The following COL5A1 variants were observed in gnomAD, a reference collection of about 807,000 sequenced individuals.
COL5A1 encodes collagen type V alpha 1 chain.
Under a neutral mutation model 263.7 loss-of-function variants are expected in COL5A1, and 16 were observed. The observed-to-expected ratio is 0.06, with a 90% CI of 0.04 to 0.09. The LOEUF is 0.09. Among genes scored for constraint, COL5A1 ranks in the 10% least tolerant of loss-of-function variants. The pLI, the probability that COL5A1 is intolerant of heterozygous loss-of-function variation, is 1.00. For missense variants in COL5A1, 2,036 were observed against 2,540.5 expected, an observed-to-expected ratio of 0.80 and a Z score of 4.27; for synonymous variants, 1,012 against 1,004.5, an observed-to-expected ratio of 1.01 and a Z score of -0.14.
At chr9:134,800,699 C>T (rs1338098877) in intron 37 of COL5A1, among the ~76,000 whole-genome samples, 3 of 142,012 alleles carry the variant, frequency 2.1e-5, no homozygotes, top group African/African-American at 2.7e-5. Flanking sequence ...GAGCCGAGAT[C>T]GTGCCATTGC....
Position 134,765,911 on chromosome 9 carries a change from CCCCAGCAGGTGTGGCCTTGCAGGTGGAGG to C in COL5A1, c.2088+181_2088+209del, listed in dbSNP as rs1417112782. ...TGATGTTCAGACGCTGTAGACACGG[CCCCAGCAGGTGTGGCCTTGCAGGTGGAGG>C]CCCGAGGCTGCCGGCCTCACGCCTC... is the stretch of plus-strand genomic sequence containing the variant. On this transcript the variant is annotated intron_variant, in intron 21 of 65. Transcript: ENST00000371817. The surrounding 1 kb of genome is among the most constrained non-coding windows in gnomAD (Gnocchi z 5.1). Among the ~76,000 whole-genome samples the C allele has an allele frequency of 5.9e-5, 9 of 152,238 alleles. No individual in the cohort carries two copies. The highest frequency in any genetic ancestry group is 1.3e-4 in the Non-Finnish European group (9 of 68,036).
At chr9:134,810,418 C>T (rs997253061) in intron 44 of COL5A1, 110 bp downstream of exon 44, 9 of 1,059,424 alleles carry the variant, frequency 8.5e-6, no homozygotes, top group Admixed American at 4.0e-5. Flanking sequence ...TGATGACTAG[C>T]GGGACATGCT....
At chr9:134,822,213 G>A in intron 59 of COL5A1, 63 bp downstream of exon 59, 1 of 1,327,810 alleles carries the variant, frequency 7.5e-7, no homozygotes, top group South Asian at 1.2e-5. Flanking sequence ...ATAAGCCTTG[G>A]GGCCTCAGTG....
chr9:134,826,747 G>A (rs1033059301), intron 63 of COL5A1, among the ~76,000 whole-genome samples: 3 of 147,108 alleles, frequency 2.0e-5, no homozygotes, highest in Non-Finnish European at 4.5e-5. Flanking sequence ...CATGGTGTTC[G>A]GGTGTGTGTG....
intron 19 of COL5A1, among the ~76,000 whole-genome samples, chr9:134,762,650 G>A (rs1276255528): frequency 6.6e-6 from 1 of 152,216 alleles, no homozygotes; most frequent in African/African-American, 2.4e-5. Context: ...CAGTCACTCA[G>A]ACGCCTTCTT....
intron 18 of COL5A1, among the ~76,000 whole-genome samples, chr9:134,760,413 C>T (rs1836325126): frequency 8.3e-6 from 1 of 120,366 alleles, no homozygotes; most frequent in Non-Finnish European, 1.7e-5. Context: ...CACTCATACA[C>T]ACATGCACAC....
At position 134,786,186 on chromosome 9, in the gene COL5A1, G is replaced by A. The variant is rs114207653; in HGVS notation, c.2646+138G>A. On this transcript the variant is annotated intron_variant, in intron 31 of 65. Coordinates refer to ENST00000371817, the MANE Select transcript of COL5A1 (RefSeq NM_000093.5). Reference sequence around the variant, plus strand: ...TGCCGATAACTTCTGGCCATGTTACGTGTCCTGGTGCAGGCGTGGGGGTTG... The same window carrying A: ...TGCCGATAACTTCTGGCCATGTTACATGTCCTGGTGCAGGCGTGGGGGTTG... The A allele has an allele frequency of 3.0e-3, 2,512 of 830,624 alleles. 40 individuals carry two copies. The African/African-American group carries it at 0.038, about 12-fold the overall frequency. The allele number at this position is 830,624 out of a possible 1,614,324, so 51.5% of individuals were successfully genotyped here.
In COL5A1 at chr9:134,813,969, C is replaced by G; in HGVS notation, c.3853-14C>G. ...TGCTCACCGCTGCCATAACCACATGCACTGTCTCCCTAGGGCGAGCCTGGC... is the reference window on the plus strand; with the variant it reads ...TGCTCACCGCTGCCATAACCACATGGACTGTCTCCCTAGGGCGAGCCTGGC... On this transcript the variant is annotated splice_polypyrimidine_tract_variant and intron_variant, in intron 48 of 65. Transcript: ENST00000371817. The G allele has an allele frequency of 6.4e-7, 1 of 1,550,938 alleles. No individual in the cohort carries two copies. Among genetic ancestry groups the G allele is most frequent in the Non-Finnish European group, 8.7e-7 (1 of 1,147,032 alleles).
At chr9:134,827,271 G>C (rs945833812) in intron 63 of COL5A1, among the ~76,000 whole-genome samples, 6 of 152,212 alleles carry the variant, frequency 3.9e-5, no homozygotes, top group African/African-American at 1.4e-4. Flanking sequence ...ACCGTGCTGA[G>C]CTCAGTAGCC....
intron 4 of COL5A1, among the ~76,000 whole-genome samples, chr9:134,713,357 C>T (rs764937427): frequency 5.9e-5 from 9 of 152,226 alleles, no homozygotes; most frequent in Non-Finnish European, 1.3e-4. Flanking sequence ...CTCCTCCCTC[C>T]CAGTCTGCAG....
chr9:134,719,172 T>C (rs1834366580), intron 4 of COL5A1, among the ~76,000 whole-genome samples: 1 of 152,198 alleles, frequency 6.6e-6, no homozygotes, highest in Non-Finnish European at 1.5e-5. Context: ...CCAGGACCCA[T>C]GTGTGCCACA....
rs762699995 is a variant in COL5A1, at chr9:134,815,609, C to T, written c.4048C>T (p.Pro1350Ser). Residue 1350 changes from proline to serine, a missense_variant, in exon 51 of 66, where the codon CCC (proline) becomes TCC (serine). Physicochemically the swap from Pro to Ser is moderately conservative, Grantham distance 74 (BLOSUM62 -1). This residue lies in a region of COL5A1 where 1,078 missense variants were observed against 1,521.4 expected (regional missense o/e 0.71). Coordinates refer to ENST00000371817, the MANE Select transcript of COL5A1 (RefSeq NM_000093.5). The part of the protein sequence containing the change: ...PVGFPGDPGP[P>S]GEPGPAGQDG... ...GGGTTTTCCTGGAGATCCTGGCCCC[C>T]CCGGAGAGCCTGGCCCCGCGGTAGG... 3 of 1,613,812 alleles carry T rather than the reference C, an allele frequency of 1.9e-6. No individual in the cohort carries two copies. The highest frequency in any genetic ancestry group is 1.1e-5 in the South Asian group (1 of 90,956).
chr9:134,736,652 G>A (rs747558153), intron 9 of COL5A1, among the ~76,000 whole-genome samples: 19 of 152,130 alleles, frequency 1.2e-4, no homozygotes, highest in Non-Finnish European at 2.4e-4. Context: ...CACTCCATCC[G>A]GTACCCACAT....
chr9:134,715,651 A>G (rs951065613), intron 4 of COL5A1, among the ~76,000 whole-genome samples: 13 of 152,214 alleles, frequency 8.5e-5, no homozygotes, highest in Non-Finnish European at 2.9e-5. Context: ...ATGACTTTTA[A>G]CAAGCATGAT....
intron 15 of COL5A1, 35 bp downstream of exon 15, chr9:134,753,938 C>T (rs756392016): frequency 1.6e-5 from 26 of 1,587,702 alleles, no homozygotes; most frequent in South Asian, 7.7e-5. Flanking sequence ...GTCTGGTGGG[C>T]GCCTCCCGTT....
rs1021342297 is a variant in COL5A1 at position 134,696,936 on chromosome 9, T to C, written c.278-2973T>C. On this transcript the variant is annotated intron_variant, in intron 2 of 65. Transcript: ENST00000371817. This position sits in a 1 kb window ranked among gnomAD's most constrained non-coding sequence, Gnocchi z 4.3. The stretch of plus-strand genomic sequence containing the variant: ...ATACAAAAAAATTAGCCAGGCTTGG[T>C]GGCGGGTGCCTGTAGTCCCAGCTAC... Among the ~76,000 whole-genome samples the C allele has an allele frequency of 4.6e-5, 7 of 152,044 alleles. No homozygotes were observed. The highest frequency in any genetic ancestry group is 1.7e-4 in the African/African-American group (7 of 41,366).
chr9:134,749,935 G>C (rs2132681067), intron 11 of COL5A1, among the ~76,000 whole-genome samples: 1 of 152,362 alleles, frequency 6.6e-6, no homozygotes, highest in Admixed American at 6.5e-5. Context: ...TGTGTGGCCA[G>C]GTTGGCTGGG....
intron 32 of COL5A1, among the ~76,000 whole-genome samples, chr9:134,791,830 C>T (rs1386101965): frequency 6.6e-6 from 1 of 152,178 alleles, no homozygotes; most frequent in Non-Finnish European, 1.5e-5. Flanking sequence ...GCTGGGTGTT[C>T]TGCCAGGCTC....
At chr9:134,662,468 C>G (rs1832238872) in intron 1 of COL5A1, among the ~76,000 whole-genome samples, 1 of 152,270 alleles carries the variant, frequency 6.6e-6, no homozygotes, top group South Asian at 2.1e-4. Flanking sequence ...GCCAGTGGAG[C>G]TGGCCTAGGC....
Sources: allele counts gnomAD v4.1 joint callset (sites outside exome capture counted in the v4.1 genomes callset), GRCh38; gene constraint gnomAD v4.1.1; regional missense constraint gnomAD v4.1.1; non-coding constraint Gnocchi (gnomAD v3.1); transcripts MANE v1.5; gene names NCBI Gene and HGNC (gene_info 2026-07-23, HGNC 2026-07-21).